The following SIN3B variants were observed in gnomAD, a reference collection of about 807,000 sequenced individuals.
SIN3B encodes paired amphipathic helix protein Sin3b.
In SIN3B, 19 loss-of-function variants were observed where a neutral mutation model predicts 120.2. The ratio of observed to expected loss-of-function variants is 0.16; its 90% confidence interval spans 0.11 to 0.23. The LOEUF is 0.23. Among genes scored for constraint, SIN3B ranks in the 10% least tolerant of loss-of-function variants. The probability of loss-of-function intolerance (pLI) is 1.00; values close to 1 mark genes in which losing one functional copy is unlikely to be tolerated. For missense variants in SIN3B, 1,073 were observed against 1,573.0 expected, an observed-to-expected ratio of 0.68 and a Z score of 5.38; for synonymous variants, 654 against 653.2, an observed-to-expected ratio of 1.00 and a Z score of -0.02.
Position 16,879,181 on chromosome 19 carries a change from T to A in SIN3B, c.*454T>A. The A allele has an allele frequency of 5.8e-6, 1 of 173,628 alleles. No homozygotes were observed. Among genetic ancestry groups the A allele is most frequent in the Non-Finnish European group, 1.2e-5 (1 of 82,546 alleles). The allele number at this position is 173,628 out of a possible 1,614,324, so 10.8% of individuals were successfully genotyped here. A position where few individuals can be genotyped will look rare whatever the true frequency, so the allele number is the denominator to read the frequency against. On this transcript the variant is annotated 3_prime_UTR_variant, in exon 19 of 19. Coordinates refer to ENST00000248054, the MANE Select transcript of SIN3B (RefSeq NM_001297595.2). ...GAGTTGAGCCCTGGGTAGGCTTGCTTGAAAAGTGAGTCCTTCCAGAATATT... is the reference window on the plus strand; with the variant it reads ...GAGTTGAGCCCTGGGTAGGCTTGCTAGAAAAGTGAGTCCTTCCAGAATATT...
At chr19:16,863,324 AGTGT>A in intron 9 of SIN3B, 2 of 362,076 alleles carry the variant, frequency 5.5e-6, no homozygotes, top group South Asian at 5.2e-5. Flanking sequence ...TTAAGAATGC[AGTGT>A]AACAATGATC....
chr19:16,852,228 G>A (rs1188359523), intron 6 of SIN3B, among the ~76,000 whole-genome samples: 3 of 151,932 alleles, frequency 2.0e-5, no homozygotes, highest in African/African-American at 4.8e-5. Flanking sequence ...CCGGGTTCAC[G>A]CCATTGTCCT....
chr19:16,862,043 G>A lies in SIN3B; in HGVS notation c.1059-309G>A, dbSNP rs543883420. Among the ~76,000 whole-genome samples, 26 of 152,338 alleles carry A rather than the reference G, an allele frequency of 1.7e-4. No individual in the cohort carries two copies. The highest frequency in any genetic ancestry group is 3.7e-4 in the Non-Finnish European group (25 of 68,026). On this transcript the variant is annotated intron_variant, in intron 8 of 18. Transcript: ENST00000248054. The surrounding 1 kb of genome is among the most constrained non-coding windows in gnomAD (Gnocchi z 4.7). ...CTCTTCCAGTCAGGGAACATCAGGGGTTCCAGCTTCTGCCAGTTTAAGTCA... is the reference window on the plus strand; with the variant it reads ...CTCTTCCAGTCAGGGAACATCAGGGATTCCAGCTTCTGCCAGTTTAAGTCA...
In SIN3B at chr19:16,862,518, C is replaced by G. The variant is rs1971703089; in HGVS notation, c.1225C>G (p.Gln409Glu). The G allele has an allele frequency of 6.2e-7, 1 of 1,613,898 alleles. No homozygotes were observed. The highest frequency in any genetic ancestry group is 1.3e-5 in the African/African-American group (1 of 74,910). Residue 409 changes from glutamine (Q) to glutamate (E), a missense_variant, in exon 9 of 19, where the codon CAG becomes GAG. This residue lies in a region of SIN3B where 118 missense variants were observed against 281.6 expected (regional missense o/e 0.42). Transcript: ENST00000248054. The surrounding 1 kb of genome is among the most constrained non-coding windows in gnomAD (Gnocchi z 4.7). Reference protein sequence around the residue: ...SSYRALPKTYQQPKCSGRTAI... With the variant: ...SSYRALPKTYEQPKCSGRTAI... ...CTACCGGGCACTCCCCAAAACCTACCAGCAGCCCAAGTGCAGTGGGAGGAC... is the reference window on the plus strand; with the variant it reads ...CTACCGGGCACTCCCCAAAACCTACGAGCAGCCCAAGTGCAGTGGGAGGAC...
intron 14 of SIN3B, 105 bp from the exon 15 acceptor site, chr19:16,875,950 T>A: frequency 7.5e-7 from 1 of 1,340,214 alleles, no homozygotes; most frequent in Non-Finnish European, 1.0e-6. Context: ...TGTCATGCAC[T>A]CTCCATCCTG....
intron 3 of SIN3B, among the ~76,000 whole-genome samples, chr19:16,833,564 G>A (rs368797142): frequency 5.2e-4 from 78 of 151,396 alleles, no homozygotes; most frequent in Non-Finnish European, 1.3e-4. Flanking sequence ...CCTGGGAGGC[G>A]GAGGTTGCAG....
At chr19:16,855,582 G>C (rs769533286) in intron 8 of SIN3B, 1 of 152,044 alleles carries the variant, frequency 6.6e-6, no homozygotes, top group Admixed American at 6.6e-5. Context: ...TTAGCCGGGC[G>C]TGGTGGCAGG....
intron 5 of SIN3B, among the ~76,000 whole-genome samples, chr19:16,847,783 T>C (rs1971498019): frequency 6.6e-6 from 1 of 152,240 alleles, no homozygotes. Flanking sequence ...GAATTCACCA[T>C]TGAAAGTGAA....
rs140179869 is a variant in SIN3B, at chr19:16,876,162, C to T, written c.2700C>T (p.Arg900=). The T allele has an allele frequency of 3.5e-5, 57 of 1,613,038 alleles. No homozygotes were observed. The highest frequency in any genetic ancestry group is 3.2e-4 in the African/African-American group (24 of 74,950). ...AGGNLSSRCV[R]AARETSYQWK... ...GGAACCTGTCCTCCCGCTGCGTCCG[C>T]GCTGCTAGGGAGACCAGCTACCAGT... The change falls in exon 15 of 19, where the codon CGC becomes CGT. Residue 900 remains arginine, a synonymous_variant. Transcript: ENST00000248054. The surrounding 1 kb of genome is among the most constrained non-coding windows in gnomAD (Gnocchi z 7.1).
At chr19:16,830,171 C>G (rs1041890943) in intron 2 of SIN3B, among the ~76,000 whole-genome samples, 1 of 152,310 alleles carries the variant, frequency 6.6e-6, no homozygotes, top group African/African-American at 2.4e-5. Context: ...CAAATCCTGC[C>G]TTGATTTAAT....
intron 12 of SIN3B, among the ~76,000 whole-genome samples, chr19:16,867,763 G>T (rs1350854650): frequency 1.3e-5 from 2 of 152,174 alleles, no homozygotes; most frequent in African/African-American, 2.4e-5. Context: ...GAGCCTGTGG[G>T]ACTGTGGGGA....
At chr19:16,845,595 C>T (rs1204219825) in intron 4 of SIN3B, among the ~76,000 whole-genome samples, 1 of 152,154 alleles carries the variant, frequency 6.6e-6, no homozygotes, top group Non-Finnish European at 1.5e-5. Flanking sequence ...TTTGAGAGCA[C>T]CTGCTCCCCA....
chr19:16,850,108 TC>T (rs943575589), intron 5 of SIN3B, among the ~76,000 whole-genome samples: 21 of 151,944 alleles, frequency 1.4e-4, no homozygotes, highest in African/African-American at 4.6e-4. Flanking sequence ...TGGTAATTAT[TC>T]CCCCCAAATT....
In SIN3B at chr19:16,880,346, T is replaced by C. The variant is rs889349908; in HGVS notation, c.*1619T>C. ...GCACATTAAAGTTAATAATTGAATA[T>C]TGACATCAAGCCGTGAGGGTGTGTT... On this transcript the variant is annotated 3_prime_UTR_variant, in exon 19 of 19. Coordinates refer to ENST00000248054, the MANE Select transcript of SIN3B (RefSeq NM_001297595.2). The C allele has an allele frequency of 1.3e-5, 2 of 152,236 alleles. No homozygotes were observed. Among genetic ancestry groups the C allele is most frequent in the African/African-American group, 4.8e-5 (2 of 41,464 alleles). 9.4% of individuals were successfully genotyped at this position (152,236 alleles called of 1,614,324 possible). A position where few individuals can be genotyped will look rare whatever the true frequency, so the allele number is the denominator to read the frequency against.
At chr19:16,874,759 A>AAACT (rs2051564836) in intron 14 of SIN3B, among the ~76,000 whole-genome samples, 1 of 134,006 alleles carries the variant, frequency 7.5e-6, no homozygotes, top group Non-Finnish European at 1.6e-5. Context: ...AATCTGGTCT[A>AAACT]GTTTGGTTGG....
At chr19:16,866,156 G>C (rs1971769427) in intron 11 of SIN3B, among the ~76,000 whole-genome samples, 2 of 152,184 alleles carry the variant, frequency 1.3e-5, no homozygotes, top group Admixed American at 6.5e-5. Flanking sequence ...CCAGGGAGGA[G>C]GTGGAGGAAC....
At chr19:16,851,267 C>T in intron 5 of SIN3B, 145 bp from the exon 6 acceptor site, 1 of 832,324 alleles carries the variant, frequency 1.2e-6, no homozygotes, top group Non-Finnish European at 1.8e-6. Flanking sequence ...GGAGTCACCT[C>T]ACGCATGGAC....
intron 6 of SIN3B, among the ~76,000 whole-genome samples, chr19:16,852,372 C>G (rs1399064287): frequency 6.6e-6 from 1 of 152,216 alleles, no homozygotes; most frequent in East Asian, 1.9e-4. Flanking sequence ...TAGCTGTCCT[C>G]TCACCTCAGC....
In SIN3B at chr19:16,841,716, A is replaced by C. The variant is rs566584447; in HGVS notation, c.382-52A>C. Reference sequence around the variant, plus strand: ...ACAGTGGCTGGGCCTGGTGTTTTTCACAATCTGTTTCCAGTGTCGGGCCTG... The same window carrying C: ...ACAGTGGCTGGGCCTGGTGTTTTTCCCAATCTGTTTCCAGTGTCGGGCCTG... On this transcript the variant is annotated intron_variant, in intron 3 of 18. Coordinates refer to ENST00000248054, the MANE Select transcript of SIN3B (RefSeq NM_001297595.2). 1.0e-4 allele frequency: 156 copies of C among 1,550,270 alleles called. No homozygotes were observed. In the East Asian group the frequency reaches 3.5e-3, roughly 35 times the overall value.
Sources: allele counts gnomAD v4.1 joint callset (sites outside exome capture counted in the v4.1 genomes callset), GRCh38; gene constraint gnomAD v4.1.1; regional missense constraint gnomAD v4.1.1; non-coding constraint Gnocchi (gnomAD v3.1); transcripts MANE v1.5; gene names NCBI Gene and HGNC (gene_info 2026-07-23, HGNC 2026-07-21).